Variants in KIRREL1 observed in about 807,000 individuals in gnomAD.
KIRREL1 encodes kin of IRRE-like protein 1.
KIRREL1 carries 25 observed loss-of-function variants against 83.3 expected under a neutral mutation model. The ratio of observed to expected loss-of-function variants is 0.30; its 90% CI spans 0.22 to 0.42. The LOEUF is 0.42. Among genes scored for constraint, KIRREL1 ranks in the 10% least tolerant of loss-of-function variants. KIRREL1 has a pLI of 1.00. For missense variants in KIRREL1, 812 were observed against 1,032.3 expected, an observed-to-expected ratio of 0.79 and a Z score of 2.92; for synonymous variants, 388 against 410.4, an observed-to-expected ratio of 0.95 and a Z score of 0.66.
chr1:158,085,704 G>C (rs751623229), intron 4 of KIRREL1, among the ~76,000 whole-genome samples: 4 of 152,156 alleles, frequency 2.6e-5, no homozygotes, highest in Non-Finnish European at 5.9e-5. Flanking sequence ...GTCAAACAAC[G>C]GGGTCTTACT....
Position 158,076,017 on chromosome 1 carries a change from G to A in KIRREL1, c.53-96G>A, listed in dbSNP as rs1661669540. 1.5e-5 allele frequency: 18 copies of A among 1,215,002 alleles called. No homozygotes were observed. The South Asian group carries it at 2.6e-4, about 17-fold the overall frequency. 75.3% of individuals were successfully genotyped at this position (1,215,002 alleles called of 1,614,324 possible). ...ACCGGAGAGTCCCCATCCCCAACTGGAGGCTCTCCCTCCTTCCAGCTGCAT... is the reference window on the plus strand; with the variant it reads ...ACCGGAGAGTCCCCATCCCCAACTGAAGGCTCTCCCTCCTTCCAGCTGCAT... On this transcript the variant is annotated intron_variant, in intron 1 of 14. Transcript: ENST00000359209.
intron 1 of KIRREL1, among the ~76,000 whole-genome samples, chr1:158,002,452 C>T (rs1659387774): frequency 6.6e-6 from 1 of 152,240 alleles, no homozygotes; most frequent in East Asian, 1.9e-4. Context: ...CTTAAAACCT[C>T]TGCTAGGAAG....
intron 1 of KIRREL1, among the ~76,000 whole-genome samples, chr1:157,995,677 A>G (rs1473413949): frequency 2.0e-5 from 3 of 152,194 alleles, no homozygotes; most frequent in South Asian, 4.1e-4. Context: ...TGGGGACAGA[A>G]AGAATTGTGT....
At chr1:158,024,709 G>C (rs1660116019) in intron 1 of KIRREL1, among the ~76,000 whole-genome samples, 1 of 152,192 alleles carries the variant, frequency 6.6e-6, no homozygotes, top group Non-Finnish European at 1.5e-5. Flanking sequence ...GTTTATAGAG[G>C]AGAACTTGAA....
chr1:158,071,150 C>T (rs1274495536), intron 1 of KIRREL1, among the ~76,000 whole-genome samples: 2 of 152,162 alleles, frequency 1.3e-5, no homozygotes, highest in African/African-American at 4.8e-5. Flanking sequence ...CTGGCTCCTC[C>T]TGGCACTTTT....
chr1:158,060,007 G>T (rs928657576), intron 1 of KIRREL1, among the ~76,000 whole-genome samples: 3 of 152,092 alleles, frequency 2.0e-5, no homozygotes, highest in Non-Finnish European at 4.4e-5. Context: ...TTGGTGTGAG[G>T]TTTCTGTGAA....
intron 1 of KIRREL1, among the ~76,000 whole-genome samples, chr1:158,038,699 C>T (rs1660542022): frequency 6.6e-6 from 1 of 152,056 alleles, no homozygotes. Flanking sequence ...GGAGATCTCA[C>T]AAACTGACGA....
intron 1 of KIRREL1, among the ~76,000 whole-genome samples, chr1:158,067,462 C>T (rs1350743118): frequency 2.0e-5 from 3 of 152,284 alleles, no homozygotes; most frequent in Middle Eastern, 3.4e-3. Context: ...TCCCAGCAGT[C>T]GGTGCTGAGT....
chr1:158,051,137 T>C (rs1047532668), intron 1 of KIRREL1, among the ~76,000 whole-genome samples: 2 of 152,216 alleles, frequency 1.3e-5, no homozygotes, highest in Non-Finnish European at 2.9e-5. Flanking sequence ...ACGTGGTGCA[T>C]GGAGGCCGAG....
chr1:158,020,310 C>G (rs934899666), intron 1 of KIRREL1, among the ~76,000 whole-genome samples: 2 of 152,102 alleles, frequency 1.3e-5, no homozygotes, highest in African/African-American at 4.8e-5. Flanking sequence ...ATCCTTTACT[C>G]TCTGAGATCT....
intron 6 of KIRREL1, 52 bp from the exon 7 acceptor site, chr1:158,087,954 A>G: frequency 6.2e-7 from 1 of 1,611,546 alleles, no homozygotes; most frequent in Admixed American, 1.7e-5. Flanking sequence ...TCATGGATGT[A>G]GTTGAGAGGG....
intron 1 of KIRREL1, among the ~76,000 whole-genome samples, chr1:158,040,056 C>A (rs536237223): frequency 1.3e-5 from 2 of 152,344 alleles, no homozygotes; most frequent in East Asian, 3.9e-4. Context: ...GAGACTGGGC[C>A]TCCCTTGCGT....
chr1:158,013,832 G>T (rs1659752217), intron 1 of KIRREL1, among the ~76,000 whole-genome samples: 1 of 152,164 alleles, frequency 6.6e-6, no homozygotes, highest in Non-Finnish European at 1.5e-5. Flanking sequence ...TCTGGGGTGG[G>T]GGTGGGAGTA....
At chr1:158,054,270 A>G (rs1351516884) in intron 1 of KIRREL1, among the ~76,000 whole-genome samples, 1 of 148,182 alleles carries the variant, frequency 6.7e-6, no homozygotes. Flanking sequence ...GGATGGGTTG[A>G]GACTGAGGGT....
intron 1 of KIRREL1, among the ~76,000 whole-genome samples, chr1:158,020,928 G>A (rs1288775010): frequency 2.6e-5 from 4 of 152,182 alleles, no homozygotes; most frequent in Admixed American, 2.6e-4. Flanking sequence ...CATAATTGAT[G>A]ATGGGACCAC....
At chr1:158,055,440 G>A (rs1661028779) in intron 1 of KIRREL1, among the ~76,000 whole-genome samples, 1 of 152,118 alleles carries the variant, frequency 6.6e-6, no homozygotes, top group South Asian at 2.1e-4. Flanking sequence ...TGGGGGACTC[G>A]AATATGGGAT....
chr1:158,068,658 G>C (rs894656715), intron 1 of KIRREL1, among the ~76,000 whole-genome samples: 3 of 152,184 alleles, frequency 2.0e-5, no homozygotes, highest in African/African-American at 7.2e-5. Flanking sequence ...TCTATCAGAA[G>C]TGCCAATCTC....
In KIRREL1 at chr1:158,010,326, AACAC is replaced by A. The variant is rs56353855; in HGVS notation, c.52+16631_52+16634del. Among the ~76,000 whole-genome samples the A allele has an allele frequency of 4.3e-3, 308 of 72,198 alleles. 7 individuals are homozygous for A. The highest frequency in any genetic ancestry group is 5.9e-3 in the African/African-American group (144 of 24,274). 47.4% of individuals were successfully genotyped at this position (72,198 alleles called of 152,430 possible). A position where few individuals can be genotyped will look rare whatever the true frequency, so the allele number is the denominator to read the frequency against. On this transcript the variant is annotated intron_variant, in intron 1 of 14. Coordinates refer to ENST00000359209, the MANE Select transcript of KIRREL1 (RefSeq NM_018240.7). ...AAGGAGAGCAGGAGTCCCCACCATA[AACAC>A]ACACACACACACACACACACACACA...
chr1:158,093,906 C>A, intron 13 of KIRREL1, 144 bp downstream of exon 13: 1 of 871,078 alleles, frequency 1.1e-6, no homozygotes, highest in Non-Finnish European at 1.8e-6. Context: ...CCCACACTCA[C>A]ACACATTCTC....
Sources: allele counts gnomAD v4.1 joint callset (sites outside exome capture counted in the v4.1 genomes callset), GRCh38; gene constraint gnomAD v4.1.1; transcripts MANE v1.5; gene names NCBI Gene and HGNC (gene_info 2026-07-23, HGNC 2026-07-21).